The following ZNF100 variants were observed in gnomAD, a reference collection of about 807,000 sequenced individuals.
ZNF100 encodes zinc finger protein 100, also known as zinc finger protein 100 (Y1).
In ZNF100, 12 loss-of-function variants were observed where a neutral mutation model predicts 15.8. The observed-to-expected ratio is 0.76, with a 90% CI of 0.49 to 1.23. The LOEUF is 1.23. ZNF100 is among the 50% of genes most tolerant of loss of function. The pLI, the probability that ZNF100 is intolerant of heterozygous loss-of-function variation, is 0.00. For missense variants in ZNF100, 670 were observed against 635.6 expected (o/e 1.05, Z -0.58); for synonymous variants, 226 against 214.8 (o/e 1.05, Z -0.45).
At chr19:21,737,133 G>T (rs111571936) in intron 4 of ZNF100, among the ~76,000 whole-genome samples, 1 of 151,842 alleles carries the variant, frequency 6.6e-6, no homozygotes, top group Admixed American at 6.6e-5. Flanking sequence ...TAAAATAAAA[G>T]AGATAGACCA....
chr19:21,765,043 AACTC>A (rs1373168223), intron 2 of ZNF100, among the ~76,000 whole-genome samples: 2 of 152,200 alleles, frequency 1.3e-5, no homozygotes, highest in African/African-American at 4.8e-5. Context: ...GAAAATTCCT[AACTC>A]ACTCTGGGAA....
chr19:21,737,467 G>A (rs1377386039), intron 4 of ZNF100, among the ~76,000 whole-genome samples: 7 of 151,562 alleles, frequency 4.6e-5, no homozygotes, highest in South Asian at 2.1e-4. Flanking sequence ...CCCAGGAGGC[G>A]GATGTTGCAG....
intron 2 of ZNF100, among the ~76,000 whole-genome samples, chr19:21,764,303 G>C (rs2036526199): frequency 6.6e-6 from 1 of 152,140 alleles, no homozygotes; most frequent in African/African-American, 2.4e-5. Flanking sequence ...GTTCATATAA[G>C]GGAAGGGAAT....
intron 2 of ZNF100, among the ~76,000 whole-genome samples, chr19:21,759,478 A>C (rs2036445587): frequency 6.6e-6 from 1 of 152,204 alleles, no homozygotes; most frequent in Non-Finnish European, 1.5e-5. Flanking sequence ...CAGACTATTG[A>C]ACTAGAGCAA....
chr19:21,756,123 T>A (rs115415221), intron 2 of ZNF100, among the ~76,000 whole-genome samples: 4,167 of 152,306 alleles, frequency 0.027, 213 homozygotes, highest in African/African-American at 0.094. Context: ...AAAAACCACA[T>A]GATTATTTCA....
intron 2 of ZNF100, among the ~76,000 whole-genome samples, chr19:21,750,112 A>G (rs753027630): frequency 9.8e-5 from 15 of 152,322 alleles, no homozygotes; most frequent in Middle Eastern, 3.4e-3. Flanking sequence ...GAGGACTGTA[A>G]CCTTGGAGCA....
In ZNF100 at chr19:21,734,295, T is replaced by C. The variant is rs370251738; in HGVS notation, c.323-6306A>G. Among the ~76,000 whole-genome samples, 25 of 152,058 alleles carry C rather than the reference T, an allele frequency of 1.6e-4. No homozygotes were observed. The East Asian group carries it at 4.8e-3, about 29-fold the overall frequency. ...GCTAATGAAGCATGTTCTAACCCAA[T>C]GCAAAAAAGCCAGGAACCATGAAAA... is the stretch of plus-strand genomic sequence containing the variant. On this transcript the variant is annotated intron_variant, in intron 4 of 4. Transcript: ENST00000358296.
At position 21,742,072 on chromosome 19, in the gene ZNF100, G is replaced by A. The variant is rs1399113372; in HGVS notation, c.322+1945C>T. Among the ~76,000 whole-genome samples the A allele has an allele frequency of 4.6e-5, 7 of 152,048 alleles. No individual in the cohort carries two copies. The South Asian group carries it at 6.2e-4, about 13-fold the overall frequency. ...GCACTCTGGGAGGCTGAGGCAGAGC[G>A]ATCACTTGAGGTCAGGAATTCAAGA... On this transcript the variant is annotated intron_variant, in intron 4 of 4. Coordinates refer to ENST00000358296, the MANE Select transcript of ZNF100 (RefSeq NM_173531.4).
In ZNF100 at chr19:21,738,248, CAAAAAAAAAAAAAAAAAAAAAAAAA is replaced by C. The variant is rs769582572; in HGVS notation, c.322+5744_322+5768del. On this transcript the variant is annotated intron_variant, in intron 4 of 4. Transcript: ENST00000358296. ...CCTGGGCGATAGAGTGACACTATGTCAAAAAAAAAAAAAAAAAAAAAAAAAAAAAAAAAAAAAAAAAACTGATGGA... is the reference window on the plus strand; with the variant it reads ...CCTGGGCGATAGAGTGACACTATGTCAAAAAAAAAAAAAAAAACTGATGGA... Among the ~76,000 whole-genome samples the C allele has an allele frequency of 1.7e-3, 73 of 42,996 alleles. No individual in the cohort carries two copies. In the East Asian group the frequency reaches 0.03, roughly 18 times the overall value. 28.2% of individuals were successfully genotyped at this position (42,996 alleles called of 152,430 possible).
intron 4 of ZNF100, among the ~76,000 whole-genome samples, chr19:21,736,200 G>A (rs932383924): frequency 6.6e-6 from 1 of 152,146 alleles, no homozygotes; most frequent in Non-Finnish European, 1.5e-5. Flanking sequence ...TGATTCTCCT[G>A]CCTCAGCTTC....
At chr19:21,749,132 C>T (rs529528495) in intron 2 of ZNF100, among the ~76,000 whole-genome samples, 6 of 152,242 alleles carry the variant, frequency 3.9e-5, no homozygotes, top group South Asian at 4.1e-4. Context: ...GGGACCGTGA[C>T]TGCTTCATCT....
At chr19:21,758,678 G>A (rs1235181582) in intron 2 of ZNF100, among the ~76,000 whole-genome samples, 3 of 152,160 alleles carry the variant, frequency 2.0e-5, no homozygotes, top group Admixed American at 6.5e-5. Flanking sequence ...GATCCACAAC[G>A]CTGTAGTGAA....
intron 2 of ZNF100, among the ~76,000 whole-genome samples, chr19:21,756,397 CAA>C (rs1445534690): frequency 1.3e-5 from 2 of 152,096 alleles, no homozygotes; most frequent in African/African-American, 2.4e-5. Flanking sequence ...GCAAGTTCTG[CAA>C]AGTTTCAGGA....
intron 4 of ZNF100, among the ~76,000 whole-genome samples, chr19:21,741,452 G>A (rs2036106361): frequency 6.6e-6 from 1 of 152,194 alleles, no homozygotes; most frequent in African/African-American, 2.4e-5. Flanking sequence ...TTGGCTCACT[G>A]CAACCTCTGG....
At chr19:21,756,149 G>T (rs2036390518) in intron 2 of ZNF100, among the ~76,000 whole-genome samples, 1 of 152,098 alleles carries the variant, frequency 6.6e-6, no homozygotes, top group Non-Finnish European at 1.5e-5. Flanking sequence ...TGCTAAAAAA[G>T]CCTTCAATAT....
intron 4 of ZNF100, among the ~76,000 whole-genome samples, chr19:21,733,980 G>T (rs796069659): frequency 1.4e-5 from 2 of 139,546 alleles, no homozygotes; most frequent in African/African-American, 5.3e-5. Flanking sequence ...TACAGAAGAC[G>T]GGCCTGACTG....
At chr19:21,761,745 C>T (rs1039120753) in intron 2 of ZNF100, among the ~76,000 whole-genome samples, 2 of 152,024 alleles carry the variant, frequency 1.3e-5, no homozygotes, top group Non-Finnish European at 2.9e-5. Context: ...GATGGCATAT[C>T]TTCCAGCCAT....
At chr19:21,729,821 A>G (rs1599377043) in intron 4 of ZNF100, among the ~76,000 whole-genome samples, 1 of 152,072 alleles carries the variant, frequency 6.6e-6, no homozygotes, top group Admixed American at 6.5e-5. Flanking sequence ...AAAAGATATA[A>G]TTAGCAAAAT....
intron 4 of ZNF100, among the ~76,000 whole-genome samples, chr19:21,733,478 TA>T (rs1175619006): frequency 5.9e-5 from 9 of 151,912 alleles, no homozygotes; most frequent in Middle Eastern, 3.2e-3. Context: ...CAAAACAAAA[TA>T]AAAAATAATC....
Sources: gnomAD v4.1 joint callset for allele counts (sites outside exome capture counted in the v4.1 genomes callset) on GRCh38, gnomAD v4.1.1 for gene constraint, MANE v1.5 for transcripts, NCBI Gene and HGNC (gene_info 2026-07-23, HGNC 2026-07-21) for gene names.